The following ARHGAP35 variants were observed in gnomAD, a reference collection of about 807,000 sequenced individuals.
ARHGAP35 encodes rho GTPase-activating protein 35.
Under a neutral mutation model 111.1 loss-of-function variants are expected in ARHGAP35, and 15 were observed. The observed-to-expected ratio is 0.13, with a 90% CI of 0.09 to 0.21. The LOEUF is 0.21. Ranked by LOEUF, ARHGAP35 falls within the 10% of genes least tolerant of loss-of-function variation. The pLI is 1.00. For missense variants in ARHGAP35, 1,262 were observed against 1,873.0 expected (o/e 0.67, Z 6.02); for synonymous variants, 643 against 710.3 (o/e 0.91, Z 1.51).
At position 46,908,062 on chromosome 19, in the gene ARHGAP35, T is replaced by C. The variant is rs1022190381; in HGVS notation, c.-188-10426T>C. Reference sequence around the variant, plus strand: ...TTTTCCCCATTGACAGAAATGCCTGTTTCTTCAGCACTGTCCTTTGTTGGC... The same window carrying C: ...TTTTCCCCATTGACAGAAATGCCTGCTTCTTCAGCACTGTCCTTTGTTGGC... On this transcript the variant is annotated intron_variant, in intron 1 of 6. Coordinates refer to ENST00000672722, the MANE Select transcript of ARHGAP35 (RefSeq NM_004491.5). The surrounding 1 kb of genome is among the most constrained non-coding windows in gnomAD (Gnocchi z 4.2). Among the ~76,000 whole-genome samples the C allele has an allele frequency of 1.3e-5, 2 of 152,238 alleles. No homozygotes were observed. Among genetic ancestry groups the C allele is most frequent in the African/African-American group, 4.8e-5 (2 of 41,462 alleles).
chr19:46,995,201 G>T (rs2056700957), intron 5 of ARHGAP35, among the ~76,000 whole-genome samples: 1 of 152,160 alleles, frequency 6.6e-6, no homozygotes, highest in African/African-American at 2.4e-5. Flanking sequence ...CAGATCATGA[G>T]GTCAGGAGTT....
chr19:46,888,296 ATATATATATATATATATATAT>A (rs2056004700), intron 1 of ARHGAP35, among the ~76,000 whole-genome samples: 2 of 64,964 alleles, frequency 3.1e-5, no homozygotes, highest in South Asian at 4.2e-4. Flanking sequence ...ATATATATAT[ATATATATATATATATATATAT>A]AAAATATTGA....
Position 46,881,384 on chromosome 19 carries a change from A to G in ARHGAP35, c.-189+20175A>G, listed in dbSNP as rs2052516642. 5.9e-5 allele frequency among the ~76,000 whole-genome samples: 9 copies of G among 152,352 alleles called. No individual in the cohort carries two copies. In the South Asian group the frequency reaches 8.3e-4, roughly 14 times the overall value. ...TGTTTCTTAGGTAATAACACTTGAA[A>G]GTCTGAATTACTCCTGGATACATGG... On this transcript the variant is annotated intron_variant, in intron 1 of 6. Transcript: ENST00000672722.
intron 3 of ARHGAP35, among the ~76,000 whole-genome samples, chr19:46,946,121 A>G (rs2056378077): frequency 2.6e-5 from 4 of 152,230 alleles, no homozygotes; most frequent in Admixed American, 1.3e-4. Context: ...TGGAATGAAA[A>G]GCTGTCTGAA....
intron 3 of ARHGAP35, among the ~76,000 whole-genome samples, chr19:46,939,389 ATTT>A (rs2056331333): frequency 6.9e-6 from 1 of 145,954 alleles, no homozygotes; most frequent in Non-Finnish European, 1.5e-5. Context: ...TTATTTATTT[ATTT>A]ATTTATTTAT....
Position 46,967,321 on chromosome 19 carries a change from C to A in ARHGAP35, c.3827-20668C>A, listed in dbSNP as rs188399607. Among the ~76,000 whole-genome samples, 16 of 152,264 alleles carry A rather than the reference C, an allele frequency of 1.1e-4. 1 individual carries two copies. Among genetic ancestry groups the A allele is most frequent in the African/African-American group, 3.8e-4 (16 of 41,560 alleles). ...AGGTAGGGTTTGAAGGTTTTCATCC[C>A]AGAGAATCTGCTGACCTGAGTCAAC... On this transcript the variant is annotated intron_variant, in intron 3 of 6. Transcript: ENST00000672722.
chr19:46,958,500 G>A (rs1389809106), intron 3 of ARHGAP35, among the ~76,000 whole-genome samples: 2 of 152,196 alleles, frequency 1.3e-5, no homozygotes, highest in Non-Finnish European at 2.9e-5. Context: ...ATGGGAGGAG[G>A]GCCTAGCTTA....
chr19:46,952,822 G>T (rs1360421999), intron 3 of ARHGAP35, among the ~76,000 whole-genome samples: 2 of 152,204 alleles, frequency 1.3e-5, no homozygotes, highest in Non-Finnish European at 2.9e-5. Context: ...GGGACCACAG[G>T]TGTGTGCCAC....
intron 2 of ARHGAP35, among the ~76,000 whole-genome samples, chr19:46,933,257 C>G (rs1017457640): frequency 4.6e-5 from 7 of 151,464 alleles, no homozygotes; most frequent in Non-Finnish European, 7.4e-5. Context: ...AATCCTCCCA[C>G]TGCAGCCTCT....
In ARHGAP35 at chr19:46,987,972, T is replaced by C. The variant is rs749834471; in HGVS notation, c.3827-17T>C. 109 of 1,613,024 alleles carry C rather than the reference T, an allele frequency of 6.8e-5. No individual in the cohort carries two copies. Among genetic ancestry groups the C allele is most frequent in the Non-Finnish European group, 6.3e-5 (74 of 1,179,494 alleles). ...TCTCCAGTTCCTGCTCCTAAGACCC[T>C]GCCTGTTTCTCCTCAGGACTGAGCA... On this transcript the variant is annotated splice_polypyrimidine_tract_variant and intron_variant, in intron 3 of 6. Coordinates refer to ENST00000672722, the MANE Select transcript of ARHGAP35 (RefSeq NM_004491.5).
chr19:46,956,956 C>CCTTT (rs767250329), intron 3 of ARHGAP35, among the ~76,000 whole-genome samples: 60 of 107,592 alleles, frequency 5.6e-4, no homozygotes, highest in African/African-American at 2.0e-3. Context: ...TTAAAGCAGA[C>CCTTT]TTTTTTTTTT....
chr19:46,995,469 CAG>C (rs1207039075), intron 5 of ARHGAP35, among the ~76,000 whole-genome samples: 1 of 152,230 alleles, frequency 6.6e-6, no homozygotes, highest in Non-Finnish European at 1.5e-5. Flanking sequence ...CCTGTCCTGT[CAG>C]AGGATTACTA....
chr19:46,976,145 T>C (rs1350146727), intron 3 of ARHGAP35, among the ~76,000 whole-genome samples: 1 of 152,062 alleles, frequency 6.6e-6, no homozygotes, highest in East Asian at 1.9e-4. Context: ...CCTCCCCCTG[T>C]AATTCTAGTT....
chr19:46,901,549 A>T lies in ARHGAP35; in HGVS notation c.-188-16939A>T, dbSNP rs1320246851. On this transcript the variant is annotated intron_variant, in intron 1 of 6. Coordinates refer to ENST00000672722, the MANE Select transcript of ARHGAP35 (RefSeq NM_004491.5). This position sits in a 1 kb window ranked among gnomAD's most constrained non-coding sequence, Gnocchi z 4.5. ...CTCCAGCCTGGGTGACAGAGCTTAG[A>T]CTCTGTCTCACACAAAAAAAATGAT... 6.6e-6 allele frequency among the ~76,000 whole-genome samples: 1 copy of T among 152,004 alleles called. No individual in the cohort carries two copies. Among genetic ancestry groups the T allele is most frequent in the Non-Finnish European group, 1.5e-5 (1 of 67,990 alleles).
chr19:46,889,258 G>T (rs148556503), intron 1 of ARHGAP35, among the ~76,000 whole-genome samples: 2,111 of 152,262 alleles, frequency 0.014, 32 homozygotes, highest in Middle Eastern at 0.031. Context: ...GAGGTCAGTA[G>T]ATCAAGACCA....
intron 1 of ARHGAP35, among the ~76,000 whole-genome samples, chr19:46,910,231 C>T (rs1402902632): frequency 6.6e-6 from 1 of 152,042 alleles, no homozygotes; most frequent in African/African-American, 2.4e-5. Flanking sequence ...TCCTGCCTCA[C>T]CCTTCCAAGT....
Position 47,001,500 on chromosome 19 carries a change from C to A in ARHGAP35, c.*812C>A. ...GAGGGAGGGAGGCACACAGGTGGAG[C>A]TGACCCTCGTCTTTGTGGCAGCAAA... On this transcript the variant is annotated 3_prime_UTR_variant, in exon 7 of 7. Transcript: ENST00000672722. This position sits in a 1 kb window ranked among gnomAD's most constrained non-coding sequence, Gnocchi z 5.4. The A allele has an allele frequency of 1.0e-6, 1 of 953,394 alleles. No homozygotes were observed. The allele number at this position is 953,394 out of a possible 1,614,324, so 59.1% of individuals were successfully genotyped here. A position where few individuals can be genotyped will look rare whatever the true frequency, so the allele number is the denominator to read the frequency against.
intron 3 of ARHGAP35, among the ~76,000 whole-genome samples, chr19:46,939,372 CATTT>C (rs60855006): frequency 0.078 from 11,288 of 145,280 alleles, 538 homozygotes; most frequent in East Asian, 0.2. Context: ...TGCACCTTTA[CATTT>C]ATTTATTTAT....
intron 3 of ARHGAP35, among the ~76,000 whole-genome samples, chr19:46,965,187 C>T (rs1230477677): frequency 1.3e-5 from 2 of 152,116 alleles, no homozygotes; most frequent in Non-Finnish European, 2.9e-5. Flanking sequence ...GTGACAGGTG[C>T]CTGTAATCCC....
Sources: gnomAD v4.1 joint callset for allele counts (sites outside exome capture counted in the v4.1 genomes callset) on GRCh38, gnomAD v4.1.1 for gene constraint, Gnocchi (gnomAD v3.1) non-coding constraint, MANE v1.5 for transcripts, NCBI Gene and HGNC (gene_info 2026-07-23, HGNC 2026-07-21) for gene names.